The following RAD51B variants were observed in gnomAD, a reference collection of about 807,000 sequenced individuals.
RAD51B encodes DNA repair protein RAD51 homolog 2.
In RAD51B, 38 loss-of-function variants were observed where a neutral mutation model predicts 42.2. The ratio of observed to expected loss-of-function variants is 0.90; its 90% CI spans 0.70 to 1.18. RAD51B has a LOEUF of 1.18. Ranked by LOEUF, RAD51B falls within the 50% of genes most tolerant of loss-of-function variation. The pLI, the probability that RAD51B is intolerant of heterozygous loss-of-function variation, is 0.00. For synonymous variants in RAD51B, 154 were observed against 145.2 expected (o/e 1.06, Z -0.43); for missense variants, 373 against 400.7 (o/e 0.93, Z 0.59).
intron 8 of RAD51B, among the ~76,000 whole-genome samples, chr14:68,368,041 A>G (rs922673675): frequency 1.6e-4 from 25 of 152,226 alleles, no homozygotes; most frequent in African/African-American, 6.0e-4. Flanking sequence ...AATTAGCAGA[A>G]TTCTGCTGTT....
At chr14:67,840,002 C>A (rs1855057525) in intron 4 of RAD51B, among the ~76,000 whole-genome samples, 1 of 151,984 alleles carries the variant, frequency 6.6e-6, no homozygotes, top group African/African-American at 2.4e-5. Context: ...GCATTTTTGT[C>A]AGATAACTTT....
rs1166571967 is a variant in RAD51B at position 68,648,104 on chromosome 14, TAC to T, written c.1037-2670_1037-2669del. On this transcript the variant is annotated intron_variant, in intron 10 of 11. Coordinates refer to the RAD51B transcript ENST00000488612. The stretch of plus-strand genomic sequence containing the variant: ...ATATATACGTGTGTGTATATATATA[TAC>T]ACACACGTATATATATATACACACA... Among the ~76,000 whole-genome samples, 98 of 56,728 alleles carry T rather than the reference TAC, an allele frequency of 1.7e-3. 1 individual carries two copies. The highest frequency in any genetic ancestry group is 6.4e-3 in the African/African-American group (95 of 14,858). 37.2% of individuals were successfully genotyped at this position (56,728 alleles called of 152,430 possible).
Position 67,835,073 on chromosome 14 carries a change from T to A in RAD51B, c.199-7T>A, listed in dbSNP as rs768108393. On this transcript the variant is annotated splice_region_variant and splice_polypyrimidine_tract_variant and intron_variant, in intron 3 of 10. Coordinates refer to ENST00000471583, the MANE Select transcript of RAD51B (RefSeq NM_133510.4). ...TTGAAAAAAAACTTAATCATTTTCT[T>A]GTTTAGGCTTATGGGATAAAAGCAC... is the stretch of plus-strand genomic sequence containing the variant. 5 of 1,591,134 alleles carry A rather than the reference T, an allele frequency of 3.1e-6. No individual in the cohort carries two copies. Among genetic ancestry groups the A allele is most frequent in the Admixed American group, 1.7e-5 (1 of 59,200 alleles).
At chr14:68,592,820 A>T (rs1890815492) in intron 10 of RAD51B, among the ~76,000 whole-genome samples, 1 of 152,258 alleles carries the variant, frequency 6.6e-6, no homozygotes, top group African/African-American at 2.4e-5. Context: ...TGATTTGAAC[A>T]GCTCCTATGT....
intron 7 of RAD51B, among the ~76,000 whole-genome samples, chr14:67,892,141 G>GATTTTTCTTTTCCAT (rs2043237684): frequency 6.6e-6 from 1 of 152,092 alleles, no homozygotes; most frequent in African/African-American, 2.4e-5. Context: ...TCCTTTACAG[G>GATTTTTCTTTTCCAT]ATTTTTCTTT....
intron 7 of RAD51B, among the ~76,000 whole-genome samples, chr14:68,079,172 C>G (rs948776429): frequency 6.6e-6 from 1 of 152,104 alleles, no homozygotes; most frequent in African/African-American, 2.4e-5. Flanking sequence ...TAATCATTCT[C>G]TTTTTTTAGA....
chr14:67,918,381 T>C (rs1212333785), intron 7 of RAD51B, among the ~76,000 whole-genome samples: 1 of 152,094 alleles, frequency 6.6e-6, no homozygotes, highest in Non-Finnish European at 1.5e-5. Context: ...ATTGTGGGCA[T>C]GCACCATCAC....
intron 7 of RAD51B, among the ~76,000 whole-genome samples, chr14:68,202,573 C>CTTT (rs145298493): frequency 2.7e-4 from 22 of 81,610 alleles, no homozygotes; most frequent in Non-Finnish European, 3.8e-4. Context: ...GAAGCAACGT[C>CTTT]TTTTTTTTTT....
At chr14:68,630,027 C>G (rs886307194) in intron 10 of RAD51B, among the ~76,000 whole-genome samples, 1 of 152,206 alleles carries the variant, frequency 6.6e-6, no homozygotes, top group African/African-American at 2.4e-5. Flanking sequence ...GGTTTCCTAC[C>G]ACTTCTCACA....
chr14:68,139,630 G>T (rs936992631), intron 7 of RAD51B, among the ~76,000 whole-genome samples: 2 of 152,216 alleles, frequency 1.3e-5, no homozygotes, highest in African/African-American at 4.8e-5. Context: ...CAGAGTACTT[G>T]ATTCTTCTCA....
chr14:68,030,327 A>G (rs542083026), intron 7 of RAD51B, among the ~76,000 whole-genome samples: 32 of 150,890 alleles, frequency 2.1e-4, no homozygotes, highest in Non-Finnish European at 3.8e-4. Context: ...TTGCATGAAA[A>G]CTCTGTTGTT....
chr14:68,373,163 G>T (rs1485614828), intron 8 of RAD51B, among the ~76,000 whole-genome samples: 2 of 152,228 alleles, frequency 1.3e-5, no homozygotes, highest in Non-Finnish European at 1.5e-5. Flanking sequence ...TTCTTTGAGA[G>T]TGGCTTTGTA....
At chr14:68,602,159 C>T (rs368313136) in intron 10 of RAD51B, among the ~76,000 whole-genome samples, 4 of 152,022 alleles carry the variant, frequency 2.6e-5, no homozygotes, top group African/African-American at 7.3e-5. Flanking sequence ...TGCTCCCTTC[C>T]GTGGGCCGCT....
chr14:67,940,324 G>A (rs1407464061), intron 7 of RAD51B, among the ~76,000 whole-genome samples: 2 of 151,420 alleles, frequency 1.3e-5, no homozygotes, highest in Non-Finnish European at 2.9e-5. Context: ...TCCACCACCT[G>A]CCTTGGCCTC....
intron 9 of RAD51B, among the ~76,000 whole-genome samples, chr14:68,445,265 G>T (rs369255143): frequency 1.3e-5 from 2 of 152,246 alleles, no homozygotes; most frequent in East Asian, 3.9e-4. Context: ...CATAGGATTG[G>T]CCAGACCTCT....
At chr14:67,869,099 G>A (rs1242753819) in intron 5 of RAD51B, among the ~76,000 whole-genome samples, 4 of 152,186 alleles carry the variant, frequency 2.6e-5, no homozygotes, top group East Asian at 1.9e-4. Flanking sequence ...TGACTTTGAC[G>A]AGCTGAGAGA....
chr14:67,864,558 G>A (rs1371948884), intron 4 of RAD51B, among the ~76,000 whole-genome samples: 1 of 152,146 alleles, frequency 6.6e-6, no homozygotes, highest in Non-Finnish European at 1.5e-5. Flanking sequence ...TGGGACTAGT[G>A]CAACATTGTT....
chr14:68,578,990 C>G (rs1193166338), intron 10 of RAD51B, among the ~76,000 whole-genome samples: 1 of 152,182 alleles, frequency 6.6e-6, no homozygotes, highest in Non-Finnish European at 1.5e-5. Context: ...AGCCTCTTCT[C>G]TGGCCCCTTC....
At chr14:68,232,645 A>G (rs1456822383) in intron 7 of RAD51B, among the ~76,000 whole-genome samples, 1 of 152,252 alleles carries the variant, frequency 6.6e-6, no homozygotes, top group Non-Finnish European at 1.5e-5. Context: ...CAGAGTGAAC[A>G]GCCAGAGTCA....
Sources: allele counts gnomAD v4.1 joint callset (sites outside exome capture counted in the v4.1 genomes callset), GRCh38; gene constraint gnomAD v4.1.1; transcripts MANE v1.5; gene names NCBI Gene and HGNC (gene_info 2026-07-23, HGNC 2026-07-21).